Variants in TRIP12 observed in about 807,000 individuals in gnomAD.
TRIP12 encodes the protein thyroid hormone receptor interactor 12, also known as E3 ubiquitin-protein ligase TRIP12.
TRIP12 carries 25 observed loss-of-function variants against 244.2 expected under a neutral mutation model. The ratio of observed to expected loss-of-function variants is 0.10; its 90% CI spans 0.07 to 0.14. The LOEUF is 0.14. Ranked by LOEUF, TRIP12 falls within the 10% of genes least tolerant of loss-of-function variation. The pLI is 1.00. For missense variants in TRIP12, 1,677 were observed against 2,486.4 expected (o/e 0.67, Z 6.92); for synonymous variants, 905 against 873.1 (o/e 1.04, Z -0.64).
chr2:229,876,992 G>A (rs1339783474), intron 2 of TRIP12, among the ~76,000 whole-genome samples: 5 of 151,860 alleles, frequency 3.3e-5, no homozygotes, highest in East Asian at 3.9e-4. Context: ...CACCATGCTC[G>A]GCCTTACTCA....
In TRIP12 at chr2:229,777,318, G is replaced by C. The variant is rs1356987857; in HGVS notation, c.5526C>G (p.Ser1842=). The change falls in exon 37 of 42, where the codon TCC becomes TCG. Residue 1842 remains serine, a synonymous_variant. Transcript: ENST00000675903. ...GGACTGTTTCTTCTAAGCCTACCTG[G>C]GATTTATCTTGTTCAAGTCTTTTCT... is the stretch of plus-strand genomic sequence containing the variant. The part of the protein sequence containing the change: ...RQKKRLEQDK[S]QTKESLQYAL... The C allele has an allele frequency of 1.9e-6, 3 of 1,612,014 alleles. No homozygotes were observed. In the Admixed American group the frequency reaches 5.0e-5, roughly 27 times the overall value.
chr2:229,811,123 A>G lies in TRIP12; in HGVS notation c.2055+13T>C. On this transcript the variant is annotated intron_variant, in intron 14 of 41. Transcript: ENST00000675903. ...CAACCTCATAAAAATACTACCAAAG[A>G]CTAAACACTTACCTCCTCATGCTGG... The G allele has an allele frequency of 6.2e-7, 1 of 1,614,092 alleles. No homozygotes were observed. The highest frequency in any genetic ancestry group is 8.5e-7 in the Non-Finnish European group (1 of 1,179,978).
chr2:229,805,000 G>A (rs1021231103), intron 18 of TRIP12, among the ~76,000 whole-genome samples: 1 of 152,078 alleles, frequency 6.6e-6, no homozygotes, highest in Non-Finnish European at 1.5e-5. Context: ...CCGCTTCCCG[G>A]GTTCACGCCA....
chr2:229,863,868 CTT>C (rs2060884144), intron 2 of TRIP12, among the ~76,000 whole-genome samples: 1 of 152,104 alleles, frequency 6.6e-6, no homozygotes, highest in African/African-American at 2.4e-5. Context: ...AAAGCATAAT[CTT>C]TTTAAAACCT....
At position 229,765,852 on chromosome 2, in the gene TRIP12, C is replaced by T. The variant is rs1011112629; in HGVS notation, c.*1702G>A. ...AGGGAAAAGCCATTCACTTGTCAGT[C>T]TCTGCAGAGACAGGGAGAGAATTCT... On this transcript the variant is annotated 3_prime_UTR_variant, in exon 42 of 42. Transcript: ENST00000675903. 5 of 152,302 alleles carry T rather than the reference C, an allele frequency of 3.3e-5. 1 individual carries two copies. In the East Asian group the frequency reaches 9.6e-4, roughly 29 times the overall value. 9.4% of individuals were successfully genotyped at this position (152,302 alleles called of 1,614,324 possible). A position where few individuals can be genotyped will look rare whatever the true frequency, so the allele number is the denominator to read the frequency against.
intron 22 of TRIP12, 106 bp from the exon 23 acceptor site, chr2:229,799,155 C>A: frequency 6.5e-7 from 1 of 1,528,600 alleles, no homozygotes; most frequent in Non-Finnish European, 9.0e-7. Flanking sequence ...ACTGAAAGAA[C>A]TAAGAACACT....
At position 229,815,203 on chromosome 2, in the gene TRIP12, G is replaced by C. The variant is rs374564179; in HGVS notation, c.1636-9C>G. On this transcript the variant is annotated splice_polypyrimidine_tract_variant and intron_variant, in intron 10 of 41. Transcript: ENST00000675903. ...CGACAAGCATGGTTCATCTAGAAAA[G>C]AAGAGATTTTAATGAGTAAAAACTC... is the stretch of plus-strand genomic sequence containing the variant. The C allele has an allele frequency of 7.5e-6, 12 of 1,607,618 alleles. No individual in the cohort carries two copies. The African/African-American group carries it at 1.2e-4, about 16-fold the overall frequency.
intron 1 of TRIP12, among the ~76,000 whole-genome samples, chr2:229,889,091 C>A (rs184030332): frequency 6.6e-6 from 1 of 152,150 alleles, no homozygotes; most frequent in Non-Finnish European, 1.5e-5. Context: ...GGACAGTCTA[C>A]TAACAGGATC....
At chr2:229,906,994 G>GC (rs922728591) in intron 1 of TRIP12, among the ~76,000 whole-genome samples, 8 of 151,998 alleles carry the variant, frequency 5.3e-5, no homozygotes, top group Non-Finnish European at 1.0e-4. Context: ...TTTAGAAACA[G>GC]CCCCCCACAA....
At chr2:229,910,084 A>C (rs2073969447) in intron 1 of TRIP12, among the ~76,000 whole-genome samples, 1 of 152,214 alleles carries the variant, frequency 6.6e-6, no homozygotes, top group Non-Finnish European at 1.5e-5. Context: ...CTTAAAATAG[A>C]AACAATTCCA....
chr2:229,855,618 A>G (rs1319487049), intron 4 of TRIP12, among the ~76,000 whole-genome samples: 2 of 127,582 alleles, frequency 1.6e-5, no homozygotes, highest in Non-Finnish European at 3.5e-5. Flanking sequence ...AAAAAAAAAA[A>G]AAAAAAGAGA....
At chr2:229,875,972 G>A (rs1278586303) in intron 2 of TRIP12, among the ~76,000 whole-genome samples, 1 of 152,104 alleles carries the variant, frequency 6.6e-6, no homozygotes, top group Non-Finnish European at 1.5e-5. Flanking sequence ...CACTCTATAG[G>A]GGTTTCAAAA....
upstream of TRIP12, chr2:229,922,048 T>A (rs948897181): frequency 7.3e-6 from 1 of 137,224 alleles, no homozygotes; most frequent in East Asian, 2.3e-4. Context: ...GCCGCCTCCC[T>A]CCCCGCCTGC....
chr2:229,869,137 C>G (rs2062074495), intron 2 of TRIP12, among the ~76,000 whole-genome samples: 1 of 152,192 alleles, frequency 6.6e-6, no homozygotes, highest in East Asian at 1.9e-4. Context: ...CCACTAATAT[C>G]TAGGAGATGT....
At chr2:229,895,433 G>A (rs938602978) in intron 1 of TRIP12, among the ~76,000 whole-genome samples, 2 of 151,898 alleles carry the variant, frequency 1.3e-5, no homozygotes, top group Non-Finnish European at 2.9e-5. Context: ...TTTAGTGGCT[G>A]AGAATTTTCT....
intron 1 of TRIP12, among the ~76,000 whole-genome samples, chr2:229,899,454 G>A (rs1035674483): frequency 2.0e-5 from 3 of 152,190 alleles, no homozygotes; most frequent in Admixed American, 6.5e-5. Context: ...TGAAAGACAT[G>A]AGCTAGCCCA....
At chr2:229,868,756 T>C (rs1255362543) in intron 2 of TRIP12, among the ~76,000 whole-genome samples, 1 of 152,248 alleles carries the variant, frequency 6.6e-6, no homozygotes, top group Non-Finnish European at 1.5e-5. Flanking sequence ...GACCAGTGGC[T>C]AAGTTTCACT....
chr2:229,901,714 T>G (rs1259436115), intron 1 of TRIP12, among the ~76,000 whole-genome samples: 1 of 152,134 alleles, frequency 6.6e-6, no homozygotes, highest in Non-Finnish European at 1.5e-5. Flanking sequence ...GACAGTCTTT[T>G]CCCTCAAGGA....
At chr2:229,846,786 T>C (rs1350854814) in intron 4 of TRIP12, among the ~76,000 whole-genome samples, 2 of 152,194 alleles carry the variant, frequency 1.3e-5, no homozygotes, top group African/African-American at 4.8e-5. Context: ...AAATCCCAAA[T>C]GCAATTTTTA....
Sources: gnomAD v4.1 joint callset for allele counts (sites outside exome capture counted in the v4.1 genomes callset) on GRCh38, gnomAD v4.1.1 for gene constraint, MANE v1.5 for transcripts, NCBI Gene and HGNC (gene_info 2026-07-23, HGNC 2026-07-21) for gene names.